The following SLC12A7 variants were observed in gnomAD, a reference collection of about 807,000 sequenced individuals.
The protein encoded by SLC12A7 is K-Cl cotransporter 4.
Under a neutral mutation model 120.6 loss-of-function variants are expected in SLC12A7, and 100 were observed. The observed-to-expected ratio is 0.83, with a 90% CI of 0.71 to 0.98. The LOEUF (loss-of-function observed/expected upper bound fraction) is 0.98. SLC12A7 is among the 50% of genes least tolerant of loss of function. SLC12A7 has a pLI of 0.00. For synonymous variants in SLC12A7, 760 were observed against 678.0 expected, an observed-to-expected ratio of 1.12 and a Z score of -1.88; for missense variants, 1,373 against 1,548.1, an observed-to-expected ratio of 0.89 and a Z score of 1.90.
chr5:1,064,754 AGACGGTGAAGGGACAGCAAGGG>A (rs1407623423), intron 18 of SLC12A7, among the ~76,000 whole-genome samples: 3 of 115,750 alleles, frequency 2.6e-5, no homozygotes, highest in Non-Finnish European at 3.6e-5. Flanking sequence ...GACGGCGAGG[AGACGGTGAAGGGACAGCAAGGG>A]GACGGTGAGG....
the SLC12A7 span, among the ~76,000 whole-genome samples, chr5:1,143,000 G>A: frequency 2.0e-5 from 3 of 152,170 alleles, no homozygotes; most frequent in East Asian, 3.9e-4. Flanking sequence ...AACGGGGGCT[G>A]AGAGGCGGCC....
chr5:1,155,081 C>A, the SLC12A7 span, among the ~76,000 whole-genome samples: 1 of 151,074 alleles, frequency 6.6e-6, no homozygotes, highest in African/African-American at 2.4e-5. Flanking sequence ...TGCCTCCCCC[C>A]GCCCCCGCCC....
At chr5:1,133,497 G>A in the SLC12A7 span, among the ~76,000 whole-genome samples, 515 of 152,242 alleles carry the variant, frequency 3.4e-3, 2 homozygotes, top group African/African-American at 0.011. Flanking sequence ...TCTTTCCGTC[G>A]ACAGGACTTA....
In SLC12A7 at chr5:1,078,385, C is replaced by G. The variant is rs996550296; in HGVS notation, c.1454+316G>C. 7.2e-6 allele frequency: 4 copies of G among 554,958 alleles called. No individual in the cohort carries two copies. In the African/African-American group the frequency reaches 7.5e-5, roughly 10 times the overall value. The allele number at this position is 554,958 out of a possible 1,614,324, so 34.4% of individuals were successfully genotyped here. On this transcript the variant is annotated intron_variant, in intron 11 of 23. Transcript: ENST00000264930. The stretch of plus-strand genomic sequence containing the variant: ...ACCTGCCTGGGACCCCACTACTTCT[C>G]CACTTGCCAGCAGGGCTGAGGGATC...
the SLC12A7 span, among the ~76,000 whole-genome samples, chr5:1,119,306 T>C: frequency 2.0e-5 from 3 of 152,198 alleles, no homozygotes; most frequent in African/African-American, 4.8e-5. Context: ...CAGAGCCCTT[T>C]TGGGGTGAGT....
At chr5:1,115,244 A>G (rs1743269367), upstream of SLC12A7, among the ~76,000 whole-genome samples, 1 of 152,202 alleles carries the variant, frequency 6.6e-6, no homozygotes, top group South Asian at 2.1e-4. Flanking sequence ...AGTGTAGCCG[A>G]TGGTGGTTAC....
chr5:1,113,838 G>A (rs1390464162), upstream of SLC12A7, among the ~76,000 whole-genome samples: 1 of 152,194 alleles, frequency 6.6e-6, no homozygotes, highest in African/African-American at 2.4e-5. Flanking sequence ...AGTCACCCCA[G>A]CAGGGGCTTC....
chr5:1,080,469 G>A (rs545606682), intron 9 of SLC12A7, among the ~76,000 whole-genome samples: 108 of 152,354 alleles, frequency 7.1e-4, no homozygotes, highest in African/African-American at 2.6e-3. Flanking sequence ...AGAAGCCAGC[G>A]CTGTGGCCAG....
chr5:1,076,274 G>A (rs1236091218), intron 13 of SLC12A7, 38 bp from the exon 14 acceptor site: 5 of 1,519,120 alleles, frequency 3.3e-6, no homozygotes, highest in South Asian at 1.2e-5. Context: ...GGCCCACTGG[G>A]CCCCCCTGAG....
chr5:1,099,175 C>T (rs1308553873), intron 1 of SLC12A7, among the ~76,000 whole-genome samples: 2 of 152,174 alleles, frequency 1.3e-5, no homozygotes, highest in East Asian at 1.9e-4. Context: ...GGCCCAACAA[C>T]CCAGATCAGG....
intron 1 of SLC12A7, among the ~76,000 whole-genome samples, chr5:1,101,143 C>T (rs1305591131): frequency 6.6e-6 from 1 of 152,234 alleles, no homozygotes; most frequent in Non-Finnish European, 1.5e-5. Flanking sequence ...AGAGGCCCCT[C>T]CTCGCTCACC....
At chr5:1,131,700 C>T in the SLC12A7 span, among the ~76,000 whole-genome samples, 2 of 152,218 alleles carry the variant, frequency 1.3e-5, no homozygotes, top group South Asian at 2.1e-4. Flanking sequence ...TCAGGCCAAT[C>T]CCCAGAGCCT....
chr5:1,129,173 G>C, the SLC12A7 span, among the ~76,000 whole-genome samples: 1 of 152,170 alleles, frequency 6.6e-6, no homozygotes, highest in Non-Finnish European at 1.5e-5. Flanking sequence ...GTCTCTCCTA[G>C]ACACACGAGG....
At chr5:1,153,292 C>G in the SLC12A7 span, among the ~76,000 whole-genome samples, 1 of 152,234 alleles carries the variant, frequency 6.6e-6, no homozygotes, top group Admixed American at 6.5e-5. Flanking sequence ...GAATGCTAGG[C>G]CTGAACGGGG....
intron 20 of SLC12A7, among the ~76,000 whole-genome samples, chr5:1,061,462 A>T (rs192395222): frequency 3.5e-4 from 11 of 31,552 alleles, no homozygotes; most frequent in African/African-American, 1.0e-3. Flanking sequence ...GGGATCCCTG[A>T]GTCTCACCCG....
At chr5:1,142,544 CTG>C in the SLC12A7 span, among the ~76,000 whole-genome samples, 2 of 119,174 alleles carry the variant, frequency 1.7e-5, no homozygotes, top group African/African-American at 3.3e-5. Flanking sequence ...CTCTGCTTCT[CTG>C]TGTGTGTCTC....
At chr5:1,126,795 A>G in the SLC12A7 span, among the ~76,000 whole-genome samples, 3 of 152,202 alleles carry the variant, frequency 2.0e-5, no homozygotes, top group African/African-American at 7.2e-5. Context: ...AAACCATAAG[A>G]TGCAGCTGAA....
chr5:1,154,390 C>CACACACAGAG, the SLC12A7 span, among the ~76,000 whole-genome samples: 20 of 151,158 alleles, frequency 1.3e-4, no homozygotes, highest in African/African-American at 4.1e-4. Context: ...CACACACACA[C>CACACACAGAG]AGAGACACAT....
intron 20 of SLC12A7, among the ~76,000 whole-genome samples, chr5:1,062,616 A>C (rs1295270913): frequency 3.3e-5 from 5 of 151,356 alleles, no homozygotes; most frequent in African/African-American, 1.2e-4. Flanking sequence ...GCCTGGCCTC[A>C]CTCACAGCCC....
Sources: gnomAD v4.1 joint callset for allele counts (sites outside exome capture counted in the v4.1 genomes callset) on GRCh38, gnomAD v4.1.1 for gene constraint, MANE v1.5 for transcripts, NCBI Gene and HGNC (gene_info 2026-07-23, HGNC 2026-07-21) for gene names.